FLRT2: variants seen among roughly 807,000 people sequenced by gnomAD.
FLRT2 encodes fibronectin leucine rich transmembrane protein 2.
FLRT2 carries 15 observed loss-of-function variants against 40.0 expected under a neutral mutation model. That is an observed-to-expected ratio of 0.38 (90% CI 0.25 to 0.58). FLRT2 has a LOEUF of 0.58. FLRT2 is among the 20% of genes least tolerant of loss of function. The pLI is 0.71. For synonymous variants in FLRT2, 380 were observed against 336.8 expected (o/e 1.13, Z -1.41); for missense variants, 726 against 840.0 (o/e 0.86, Z 1.68).
In FLRT2 at chr14:85,607,140, A is replaced by G. The variant is rs569752854; in HGVS notation, c.-376-13999A>G. 2.0e-3 allele frequency among the ~76,000 whole-genome samples: 310 copies of G among 152,052 alleles called. 1 individual carries two copies. The highest frequency in any genetic ancestry group is 7.0e-3 in the African/African-American group (291 of 41,482). ...TATGCTCATTGGGAATGCATGATCT[A>G]TTGGGTTATAGATGATTGCGTTTTT... is the stretch of plus-strand genomic sequence containing the variant. On this transcript the variant is annotated intron_variant, in intron 1 of 1. Transcript: ENST00000330753.
chr14:85,620,142 A>G (rs761051836), intron 1 of FLRT2, among the ~76,000 whole-genome samples: 1 of 152,184 alleles, frequency 6.6e-6, no homozygotes, highest in Non-Finnish European at 1.5e-5. Context: ...GATAAAGAGG[A>G]AGGGAGACAA....
intron 1 of FLRT2, among the ~76,000 whole-genome samples, chr14:85,563,705 A>T (rs978661893): frequency 3.9e-5 from 6 of 152,184 alleles, no homozygotes; most frequent in African/African-American, 1.2e-4. Flanking sequence ...ACAATTCAAC[A>T]TGAGATTTGG....
intron 1 of FLRT2, among the ~76,000 whole-genome samples, chr14:85,582,249 A>G (rs1891421554): frequency 6.6e-6 from 1 of 152,218 alleles, no homozygotes; most frequent in African/African-American, 2.4e-5. Flanking sequence ...TTGTGATTAT[A>G]TGATATATGT....
chr14:85,565,316 A>G (rs1452483576), intron 1 of FLRT2, among the ~76,000 whole-genome samples: 2 of 152,208 alleles, frequency 1.3e-5, no homozygotes, highest in South Asian at 4.1e-4. Context: ...TTGTCATAAC[A>G]TCACTTGTGT....
chr14:85,561,575 A>G (rs1453490541), intron 1 of FLRT2, among the ~76,000 whole-genome samples: 1 of 152,180 alleles, frequency 6.6e-6, no homozygotes, highest in Non-Finnish European at 1.5e-5. Context: ...TAGAACACTC[A>G]CAGCACCCTG....
In FLRT2 at chr14:85,628,774, G is replaced by T. The variant is rs1893796354; in HGVS notation, c.*5277G>T. The T allele has an allele frequency of 6.6e-6, 1 of 152,150 alleles. No homozygotes were observed. The allele number at this position is 152,150 out of a possible 1,614,324, so 9.4% of individuals were successfully genotyped here. ...ACAAGTAATTCATATTACTTTTGGGGATTTTATGTAAAGTAACATCTATGC... is the reference window on the plus strand; with the variant it reads ...ACAAGTAATTCATATTACTTTTGGGTATTTTATGTAAAGTAACATCTATGC... On this transcript the variant is annotated 3_prime_UTR_variant, in exon 2 of 2. Coordinates refer to ENST00000330753, the MANE Select transcript of FLRT2 (RefSeq NM_013231.6).
intron 1 of FLRT2, among the ~76,000 whole-genome samples, chr14:85,533,285 T>G (rs1888403957): frequency 1.4e-5 from 2 of 145,002 alleles, no homozygotes; most frequent in African/African-American, 2.5e-5. Context: ...TATCCGGGGG[T>G]GTCAGGAGGG....
chr14:85,542,132 C>T (rs1011916487), intron 1 of FLRT2, among the ~76,000 whole-genome samples: 1 of 152,084 alleles, frequency 6.6e-6, no homozygotes, highest in Non-Finnish European at 1.5e-5. Flanking sequence ...CAGAATGATA[C>T]TCTTGGGCTA....
chr14:85,591,539 T>C (rs969508200), intron 1 of FLRT2, among the ~76,000 whole-genome samples: 1 of 152,202 alleles, frequency 6.6e-6, no homozygotes, highest in Admixed American at 6.5e-5. Context: ...AAAAAAAGAT[T>C]TGGCCTCTGA....
chr14:85,594,677 C>T (rs1368203891), intron 1 of FLRT2, among the ~76,000 whole-genome samples: 1 of 152,118 alleles, frequency 6.6e-6, no homozygotes, highest in Non-Finnish European at 1.5e-5. Flanking sequence ...AAACCCGTCT[C>T]CTATTCAATT....
intron 1 of FLRT2, among the ~76,000 whole-genome samples, chr14:85,539,469 C>T (rs1399617180): frequency 6.6e-6 from 1 of 152,014 alleles, no homozygotes; most frequent in Non-Finnish European, 1.5e-5. Flanking sequence ...TTTACCTGTT[C>T]TGAATGAGTA....
At chr14:85,533,316 G>T (rs1888406868) in intron 1 of FLRT2, among the ~76,000 whole-genome samples, 2 of 152,068 alleles carry the variant, frequency 1.3e-5, no homozygotes, top group Admixed American at 6.5e-5. Context: ...GGGCCGCGGC[G>T]CCTACATTAG....
At chr14:85,600,386 G>C (rs987779059) in intron 1 of FLRT2, among the ~76,000 whole-genome samples, 22 of 152,144 alleles carry the variant, frequency 1.4e-4, no homozygotes, top group Admixed American at 5.2e-4. Context: ...GATTAAAGTG[G>C]TAGCATTTAA....
intron 1 of FLRT2, among the ~76,000 whole-genome samples, chr14:85,562,390 C>G (rs919742722): frequency 2.0e-5 from 3 of 152,138 alleles, no homozygotes; most frequent in Admixed American, 1.3e-4. Context: ...CAAGAAGACC[C>G]GTGTTTCAAT....
In FLRT2 at chr14:85,643,156, G is replaced by A. The variant is rs533119603; in HGVS notation, c.*19659G>A. 9.2e-5 allele frequency: 14 copies of A among 152,276 alleles called. No homozygotes were observed. Among genetic ancestry groups the A allele is most frequent in the African/African-American group, 3.4e-4 (14 of 41,548 alleles). 9.4% of individuals were successfully genotyped at this position (152,276 alleles called of 1,614,324 possible). A position where few individuals can be genotyped will look rare whatever the true frequency, so the allele number is the denominator to read the frequency against. On this transcript the variant is annotated 3_prime_UTR_variant, in exon 2 of 2. Transcript: ENST00000330753. Reference sequence around the variant, plus strand: ...ACACTATTCCACTCGGGGCTAGGATGTCAACATATGAAATTTAGGGGCACA... The same window carrying A: ...ACACTATTCCACTCGGGGCTAGGATATCAACATATGAAATTTAGGGGCACA...
chr14:85,610,184 AT>A (rs1447872394), intron 1 of FLRT2, among the ~76,000 whole-genome samples: 1 of 152,052 alleles, frequency 6.6e-6, no homozygotes, highest in East Asian at 1.9e-4. Context: ...TTTATTTATT[AT>A]TTATACTTCC....
At chr14:85,564,604 A>G (rs1470806408) in intron 1 of FLRT2, among the ~76,000 whole-genome samples, 2 of 152,196 alleles carry the variant, frequency 1.3e-5, no homozygotes, top group Non-Finnish European at 2.9e-5. Context: ...TGAGGCTCTC[A>G]GATAACATCA....
At position 85,644,210 on chromosome 14, in the gene FLRT2, G is replaced by T. The variant is rs1894236294; in HGVS notation, c.*20713G>T. On this transcript the variant is annotated 3_prime_UTR_variant, in exon 2 of 2. Coordinates refer to ENST00000330753, the MANE Select transcript of FLRT2 (RefSeq NM_013231.6). ...TATACAATTAATGTAAGTTTACTCA[G>T]GTGGTAATTCCAGTTGCTATGGTTG... 2 of 152,216 alleles carry T rather than the reference G, an allele frequency of 1.3e-5. No individual in the cohort carries two copies. Among genetic ancestry groups the T allele is most frequent in the South Asian group, 4.1e-4 (2 of 4,822 alleles). The allele number at this position is 152,216 out of a possible 1,614,324, so 9.4% of individuals were successfully genotyped here.
chr14:85,580,986 T>A (rs1372723141), intron 1 of FLRT2, among the ~76,000 whole-genome samples: 1 of 152,202 alleles, frequency 6.6e-6, no homozygotes, highest in Non-Finnish European at 1.5e-5. Context: ...TAGTGATGAT[T>A]CAGGTTTCTT....
Sources: gnomAD v4.1 joint callset for allele counts (sites outside exome capture counted in the v4.1 genomes callset) on GRCh38, gnomAD v4.1.1 for gene constraint, MANE v1.5 for transcripts, NCBI Gene and HGNC (gene_info 2026-07-23, HGNC 2026-07-21) for gene names.